SGCZ: variants seen among roughly 807,000 people sequenced by gnomAD.
The protein encoded by SGCZ is sarcoglycan zeta.
SGCZ carries 40 observed loss-of-function variants against 41.3 expected under a neutral mutation model. The ratio of observed to expected loss-of-function variants is 0.97; its 90% CI spans 0.75 to 1.26. The LOEUF is 1.26. Among genes scored for constraint, SGCZ ranks in the 50% most tolerant of loss-of-function variants. The pLI is 0.00. For synonymous variants in SGCZ, 206 were observed against 137.5 expected (o/e 1.50, Z -3.49); for missense variants, 552 against 369.8 (o/e 1.49, Z -4.04).
chr8:14,684,691 C>T (rs62493146), intron 1 of SGCZ, among the ~76,000 whole-genome samples: 19 of 498 alleles, frequency 0.038, no homozygotes, highest in South Asian at 0.18. Context: ...CTTTGTTTTT[C>T]CTTTTTTTGT....
chr8:14,128,879 G>C (rs760315843), intron 5 of SGCZ, among the ~76,000 whole-genome samples: 1 of 152,108 alleles, frequency 6.6e-6, no homozygotes, highest in Non-Finnish European at 1.5e-5. Context: ...CTAAGTGGGA[G>C]TTAAATAACA....
At chr8:14,836,907 C>T (rs1220010449) in intron 1 of SGCZ, among the ~76,000 whole-genome samples, 1 of 152,132 alleles carries the variant, frequency 6.6e-6, no homozygotes, top group Non-Finnish European at 1.5e-5. Context: ...TCCAGAATGT[C>T]ATCTTGTATT....
intron 1 of SGCZ, among the ~76,000 whole-genome samples, chr8:14,807,149 AT>A (rs1801563953): frequency 2.0e-5 from 3 of 151,718 alleles, no homozygotes; most frequent in African/African-American, 7.3e-5. Context: ...AACTGGAAGC[AT>A]TCCCTTTGAA....
intron 2 of SGCZ, among the ~76,000 whole-genome samples, chr8:14,429,969 C>T (rs975111612): frequency 5.9e-5 from 9 of 151,922 alleles, no homozygotes; most frequent in South Asian, 2.1e-4. Context: ...TAGTCTTGAA[C>T]GATTTTTTGT....
intron 4 of SGCZ, among the ~76,000 whole-genome samples, chr8:14,167,929 C>T (rs963478570): frequency 4.6e-5 from 7 of 152,130 alleles, no homozygotes; most frequent in Admixed American, 1.3e-4. Flanking sequence ...AATTTTTCTT[C>T]TATTACATAA....
rs1015267727 is a variant in SGCZ at position 14,783,293 on chromosome 8, G to C, written c.40-228367C>G. Among the ~76,000 whole-genome samples the C allele has an allele frequency of 3.3e-5, 5 of 152,098 alleles. 1 individual carries two copies. The highest frequency in any genetic ancestry group is 2.0e-4 in the Admixed American group (3 of 15,264). The stretch of plus-strand genomic sequence containing the variant: ...TACTGAAGATACAAAAATTAACTGG[G>C]CATGGTGCTGAGTGCCTGTAATCCC... On this transcript the variant is annotated intron_variant, in intron 1 of 7. Transcript: ENST00000382080.
rs1270412744 is a variant in SGCZ, at chr8:14,807,504, C to T, written c.40-252578G>A. ...AATTGCTTCAAAGAGAAGAAAATAC[C>T]TAGGAATCCAACTTACAAGGGATGT... On this transcript the variant is annotated intron_variant, in intron 1 of 7. Coordinates refer to ENST00000382080, the MANE Select transcript of SGCZ (RefSeq NM_139167.4). Among the ~76,000 whole-genome samples, 4 of 151,956 alleles carry T rather than the reference C, an allele frequency of 2.6e-5. No homozygotes were observed. In the East Asian group the frequency reaches 5.8e-4, roughly 22 times the overall value.
rs532371473 is a variant in SGCZ, at chr8:14,300,682, T to C, written c.336+23421A>G. Reference sequence around the variant, plus strand: ...AGAATGGTGGTCGTATGAGATCATATGAGAGTATAATGTGGTTAATTTTGA... The same window carrying C: ...AGAATGGTGGTCGTATGAGATCATACGAGAGTATAATGTGGTTAATTTTGA... On this transcript the variant is annotated intron_variant, in intron 3 of 7. Transcript: ENST00000382080. 2.0e-5 allele frequency among the ~76,000 whole-genome samples: 3 copies of C among 152,084 alleles called. No homozygotes were observed. In the South Asian group the frequency reaches 6.2e-4, roughly 32 times the overall value.
chr8:14,427,282 T>A (rs1198438344), intron 2 of SGCZ, among the ~76,000 whole-genome samples: 1 of 151,868 alleles, frequency 6.6e-6, no homozygotes, highest in Non-Finnish European at 1.5e-5. Flanking sequence ...CAAACCCCCA[T>A]GACATAAGTT....
At chr8:14,832,134 A>G (rs182720231) in intron 1 of SGCZ, among the ~76,000 whole-genome samples, 114 of 152,300 alleles carry the variant, frequency 7.5e-4, no homozygotes, top group African/African-American at 2.7e-3. Flanking sequence ...ATTGAAGTGC[A>G]TAATAATTTC....
chr8:15,161,571 T>C (rs1799513753), intron 1 of SGCZ, among the ~76,000 whole-genome samples: 1 of 152,152 alleles, frequency 6.6e-6, no homozygotes, highest in Non-Finnish European at 1.5e-5. Flanking sequence ...GTGAAATGAA[T>C]TAAATTTGTA....
intron 2 of SGCZ, among the ~76,000 whole-genome samples, chr8:14,493,795 A>T (rs562861882): frequency 6.6e-6 from 1 of 152,112 alleles, no homozygotes; most frequent in Admixed American, 6.6e-5. Context: ...CTTTCATAAC[A>T]GTGTGTAACT....
Position 14,686,318 on chromosome 8 carries a change from T to C in SGCZ, c.40-131392A>G, listed in dbSNP as rs11989111. Among the ~76,000 whole-genome samples the C allele has an allele frequency of 1.4e-3, 211 of 152,180 alleles. 4 individuals are homozygous for C. Among genetic ancestry groups the C allele is most frequent in the African/African-American group, 4.8e-3 (199 of 41,572 alleles). On this transcript the variant is annotated intron_variant, in intron 1 of 7. Coordinates refer to ENST00000382080, the MANE Select transcript of SGCZ (RefSeq NM_139167.4). ...AATTTGAGTAATTTGAAATATACAA[T>C]ATAGTAACAAATAAAAGAAAAAAAT...
chr8:14,278,653 A>G (rs904620419), intron 3 of SGCZ, among the ~76,000 whole-genome samples: 1 of 152,166 alleles, frequency 6.6e-6, no homozygotes, highest in Admixed American at 6.5e-5. Context: ...AGCTGTATAT[A>G]TTCTGCCAAT....
chr8:14,113,822 C>T (rs1011040177), intron 5 of SGCZ, among the ~76,000 whole-genome samples: 1 of 152,008 alleles, frequency 6.6e-6, no homozygotes, highest in African/African-American at 2.4e-5. Flanking sequence ...TTAGGATTTA[C>T]TGCTTAGCAG....
intron 3 of SGCZ, among the ~76,000 whole-genome samples, chr8:14,271,289 T>C (rs1379018347): frequency 6.6e-6 from 1 of 152,212 alleles, no homozygotes; most frequent in Non-Finnish European, 1.5e-5. Flanking sequence ...AGAAATTTCT[T>C]TACATTATTA....
At chr8:14,365,335 T>C (rs1389221267) in intron 2 of SGCZ, among the ~76,000 whole-genome samples, 2 of 152,120 alleles carry the variant, frequency 1.3e-5, no homozygotes, top group African/African-American at 2.4e-5. Flanking sequence ...TTTTGTATTG[T>C]ATTACAAAAT....
chr8:15,121,138 T>C (rs1807462025), intron 1 of SGCZ, among the ~76,000 whole-genome samples: 1 of 152,226 alleles, frequency 6.6e-6, no homozygotes, highest in East Asian at 1.9e-4. Context: ...CAATGTATGA[T>C]GCAATTCCAT....
intron 2 of SGCZ, among the ~76,000 whole-genome samples, chr8:14,401,311 A>C (rs923055655): frequency 4.6e-5 from 7 of 151,680 alleles, no homozygotes; most frequent in Non-Finnish European, 7.4e-5. Flanking sequence ...TTATACTTTA[A>C]GTTTTAGGGT....
Sources: gnomAD v4.1 joint callset for allele counts (sites outside exome capture counted in the v4.1 genomes callset) on GRCh38, gnomAD v4.1.1 for gene constraint, MANE v1.5 for transcripts, NCBI Gene and HGNC (gene_info 2026-07-23, HGNC 2026-07-21) for gene names.